Variants in ZFYVE26 observed in about 807,000 individuals in gnomAD.
ZFYVE26 encodes the protein zinc finger FYVE-type containing 26.
Under a neutral mutation model 276.5 loss-of-function variants are expected in ZFYVE26, and 181 were observed. That is an observed-to-expected ratio of 0.65 (90% confidence interval 0.58 to 0.74). The LOEUF is 0.74. Ranked by LOEUF, ZFYVE26 falls within the 30% of genes least tolerant of loss-of-function variation. The pLI, the probability that ZFYVE26 is intolerant of heterozygous loss-of-function variation, is 0.00. For synonymous variants in ZFYVE26, 1,129 were observed against 1,203.1 expected (o/e 0.94, Z 1.27); for missense variants, 2,821 against 3,097.9 (o/e 0.91, Z 2.12).
At chr14:67,753,972 T>C in intron 38 of ZFYVE26, 99 bp downstream of exon 38, 1 of 1,590,812 alleles carries the variant, frequency 6.3e-7, no homozygotes, top group Non-Finnish European at 8.6e-7. Context: ...GAGGCAGCCA[T>C]CAAACAAACA....
In ZFYVE26 at chr14:67,773,806, A is replaced by C. The variant is rs1219733458; in HGVS notation, c.5320+1210T>G. Among the ~76,000 whole-genome samples, 3 of 152,322 alleles carry C rather than the reference A, an allele frequency of 2.0e-5. No individual in the cohort carries two copies. The South Asian group carries it at 6.2e-4, about 32-fold the overall frequency. ...CTGGTCACAGAAAAAGAGAGATGTA[A>C]AACATAGTGACTCTTAGTAGCACTC... On this transcript the variant is annotated intron_variant, in intron 27 of 41. Coordinates refer to ENST00000347230, the MANE Select transcript of ZFYVE26 (RefSeq NM_015346.4).
chr14:67,779,608 T>C (rs1314587354), intron 23 of ZFYVE26, among the ~76,000 whole-genome samples: 3 of 152,066 alleles, frequency 2.0e-5, no homozygotes, highest in African/African-American at 7.2e-5. Flanking sequence ...GACATGGTTA[T>C]GGAATAATGG....
At chr14:67,744,054 T>C (rs1716329506), downstream of ZFYVE26, among the ~76,000 whole-genome samples, 1 of 152,160 alleles carries the variant, frequency 6.6e-6, no homozygotes, top group Non-Finnish European at 1.5e-5. Flanking sequence ...GAACTAAACA[T>C]TTCAAGGATA....
chr14:67,784,239 T>G (rs2039589090), intron 20 of ZFYVE26, 95 bp downstream of exon 20: 1 of 1,035,038 alleles, frequency 9.7e-7, no homozygotes, highest in Non-Finnish European at 1.5e-6. Context: ...CCCCACTCTC[T>G]GTGCTAACCC....
intron 16 of ZFYVE26, among the ~76,000 whole-genome samples, chr14:67,788,250 G>A (rs565365233): frequency 5.3e-5 from 8 of 152,270 alleles, no homozygotes; most frequent in East Asian, 3.9e-4. Context: ...TTAGCCGGGC[G>A]TGGTGGCACG....
At chr14:67,799,613 A>G in intron 10 of ZFYVE26, 1 of 1,463,410 alleles carries the variant, frequency 6.8e-7, no homozygotes, top group Admixed American at 1.7e-5. Flanking sequence ...GAAATAATAG[A>G]ATTTTTCTCT....
chr14:67,790,949 A>C (rs1246107677), intron 14 of ZFYVE26, among the ~76,000 whole-genome samples, 176 bp from the exon 15 acceptor site: 2 of 152,236 alleles, frequency 1.3e-5, no homozygotes, highest in African/African-American at 4.8e-5. Flanking sequence ...ATAATTCATA[A>C]AAGTAAGAAA....
rs771985378 is a variant in ZFYVE26 at position 67,768,547 on chromosome 14, C to T, written c.5623G>A (p.Val1875Ile). The part of the protein sequence containing the change: ...DQCYSYCNKD[V>I]PEEPSEKPEA... Reference sequence around the variant, plus strand: ...GGTTTTTCTGAAGGCTCCTCTGGTACACTGAAAACAGAGAAAGAAAAATTA... The same window carrying T: ...GGTTTTTCTGAAGGCTCCTCTGGTATACTGAAAACAGAGAAAGAAAAATTA... The change falls in exon 30 of 42, where the codon GTA becomes ATA. Residue 1875 changes from valine (V) to isoleucine (I), a missense_variant and splice_region_variant. Val to Ile is a conservative substitution (Grantham distance 29). Transcript: ENST00000347230. The T allele has an allele frequency of 5.0e-6, 8 of 1,614,078 alleles. No homozygotes were observed. The highest frequency in any genetic ancestry group is 2.2e-5 in the East Asian group (1 of 44,884).
chr14:67,739,120 A>G (rs2140168824), intron 13 of ZFYVE26, among the ~76,000 whole-genome samples: 1 of 152,288 alleles, frequency 6.6e-6, no homozygotes, highest in African/African-American at 2.4e-5. Context: ...GGGATGTGGA[A>G]GGAGCCTCTT....
intron 36 of ZFYVE26, 44 bp downstream of exon 36, chr14:67,755,904 G>A: frequency 6.2e-7 from 1 of 1,608,270 alleles, no homozygotes; most frequent in Non-Finnish European, 8.5e-7. Context: ...TGCAGGGTGG[G>A]GCACCAGCAA....
downstream of ZFYVE26, among the ~76,000 whole-genome samples, chr14:67,744,218 TC>T (rs901107271): frequency 3.9e-5 from 6 of 152,160 alleles, no homozygotes; most frequent in Admixed American, 6.5e-5. Context: ...GCCAAAGATA[TC>T]TGGTAACCTT....
At chr14:67,767,935 G>T (rs1169794117) in intron 30 of ZFYVE26, 95 bp from the exon 31 acceptor site, 4 of 1,541,328 alleles carry the variant, frequency 2.6e-6, no homozygotes, top group Non-Finnish European at 3.6e-6. Flanking sequence ...GTAGACACTT[G>T]CCTGCTATCT....
Position 67,766,213 on chromosome 14 carries a change from C to G in ZFYVE26, c.6011+14G>C. 2.5e-6 allele frequency: 4 copies of G among 1,613,276 alleles called. No individual in the cohort carries two copies. Among genetic ancestry groups the G allele is most frequent in the Non-Finnish European group, 3.4e-6 (4 of 1,179,494 alleles). On this transcript the variant is annotated intron_variant, in intron 32 of 41. Coordinates refer to ENST00000347230, the MANE Select transcript of ZFYVE26 (RefSeq NM_015346.4). ...TGCTCCTGTGTAAAAGAATAGAGAC[C>G]CACTGCCCTCTACCTGTCACAAAGA...
intron 5 of ZFYVE26, 145 bp downstream of exon 5, chr14:67,807,253 T>C: frequency 9.4e-7 from 1 of 1,060,742 alleles, no homozygotes; most frequent in East Asian, 2.5e-5. Context: ...CCTGTACTTT[T>C]ACGAAAGAGC....
At position 67,767,850 on chromosome 14, in the gene ZFYVE26, G is replaced by C. The variant is rs183559101; in HGVS notation, c.5654-10C>G. On this transcript the variant is annotated splice_polypyrimidine_tract_variant and intron_variant, in intron 30 of 41. Coordinates refer to ENST00000347230, the MANE Select transcript of ZFYVE26 (RefSeq NM_015346.4). ...TTGGAGCTGTCTAGAGCTGAGAAGAGAAATGCCATTCATGTGTCATTCACT... is the reference window on the plus strand; with the variant it reads ...TTGGAGCTGTCTAGAGCTGAGAAGACAAATGCCATTCATGTGTCATTCACT... The C allele has an allele frequency of 8.7e-5, 140 of 1,614,126 alleles. 1 individual carries two copies. The African/African-American group carries it at 1.5e-3, about 18-fold the overall frequency.
At chr14:67,773,550 G>GCACACACAC (rs1566875936) in intron 27 of ZFYVE26, among the ~76,000 whole-genome samples, 3 of 15,618 alleles carry the variant, frequency 1.9e-4, no homozygotes, top group African/African-American at 8.5e-5. Flanking sequence ...AAAAAAAAAA[G>GCACACACAC]GCGCACACAC....
intron 29 of ZFYVE26, among the ~76,000 whole-genome samples, chr14:67,769,364 C>A (rs777821532): frequency 3.9e-5 from 6 of 152,198 alleles, no homozygotes; most frequent in Non-Finnish European, 8.8e-5. Context: ...TTAAGAACAT[C>A]ATGTAAGAAC....
rs755494201 is a variant in ZFYVE26 at position 67,798,262 on chromosome 14, T to C, written c.2000A>G (p.Asp667Gly). The C allele has an allele frequency of 6.2e-7, 1 of 1,614,158 alleles. No homozygotes were observed. The highest frequency in any genetic ancestry group is 1.1e-5 in the South Asian group (1 of 91,090). The change falls in exon 11 of 42, where the codon GAC becomes GGC. Residue 667 changes from aspartate to glycine, a missense_variant. By Grantham distance (94) the Asp-to-Gly change is moderately conservative. Coordinates refer to ENST00000347230, the MANE Select transcript of ZFYVE26 (RefSeq NM_015346.4). Reference protein sequence around the residue: ...YPGPHRHSFLDLKHFTSGISG... With the variant: ...YPGPHRHSFLGLKHFTSGISG... ...GATACCACTAGTAAAGTGTTTTAAGTCCAAAAAGCTGTGCCTATGAGGCCC... is the reference window on the plus strand; with the variant it reads ...GATACCACTAGTAAAGTGTTTTAAGCCCAAAAAGCTGTGCCTATGAGGCCC...
chr14:67,767,996 C>A (rs1316118657), intron 30 of ZFYVE26, among the ~76,000 whole-genome samples, 156 bp from the exon 31 acceptor site: 1 of 152,226 alleles, frequency 6.6e-6, no homozygotes, highest in Non-Finnish European at 1.5e-5. Flanking sequence ...TAGGACACCC[C>A]ACTAAGCACC....
Sources: allele counts gnomAD v4.1 joint callset (sites outside exome capture counted in the v4.1 genomes callset), GRCh38; gene constraint gnomAD v4.1.1; transcripts MANE v1.5; gene names NCBI Gene and HGNC (gene_info 2026-07-23, HGNC 2026-07-21).